Variants in MEMO1 observed in about 807,000 individuals in gnomAD.
The protein encoded by MEMO1 is protein MEMO1.
A neutral mutation model predicts 45.2 loss-of-function variants in MEMO1; 6 were observed. The ratio of observed to expected loss-of-function variants is 0.13; its 90% CI spans 0.07 to 0.26. The LOEUF is 0.26. Ranked by LOEUF, MEMO1 falls within the 10% of genes least tolerant of loss-of-function variation. MEMO1 has a pLI of 1.00. For synonymous variants in MEMO1, 78 were observed against 124.3 expected (o/e 0.63, Z 2.48); for missense variants, 184 against 370.5 (o/e 0.50, Z 4.13).
Position 31,996,435 on chromosome 2 carries a change from G to A in MEMO1, c.61+13752C>T, listed in dbSNP as rs1341581734. On this transcript the variant is annotated intron_variant, in intron 2 of 9. Coordinates refer to ENST00000404530, the MANE Select transcript of MEMO1 (RefSeq NM_001301833.4). ...GTGGTGCACACCCGTAGTCCCAGCTGAGGGAGGCTAAGGCAGGAGAATCAC... is the reference window on the plus strand; with the variant it reads ...GTGGTGCACACCCGTAGTCCCAGCTAAGGGAGGCTAAGGCAGGAGAATCAC... 2.0e-5 allele frequency among the ~76,000 whole-genome samples: 3 copies of A among 151,924 alleles called. No homozygotes were observed. The South Asian group carries it at 6.2e-4, about 32-fold the overall frequency.
At chr2:31,952,476 A>T (rs1666951209) in intron 2 of MEMO1, among the ~76,000 whole-genome samples, 1 of 152,170 alleles carries the variant, frequency 6.6e-6, no homozygotes, top group African/African-American at 2.4e-5. Flanking sequence ...AAGAGCTACA[A>T]ATTTGGAGAA....
intron 8 of MEMO1, among the ~76,000 whole-genome samples, chr2:31,878,103 G>A (rs1349986155): frequency 6.6e-6 from 1 of 152,172 alleles, no homozygotes; most frequent in South Asian, 2.1e-4. Context: ...AAATAGAGTA[G>A]TCAGAAGGCC....
intron 8 of MEMO1, among the ~76,000 whole-genome samples, chr2:31,878,097 AGAG>A (rs1674821878): frequency 1.3e-5 from 2 of 152,228 alleles, no homozygotes; most frequent in South Asian, 4.1e-4. Context: ...AAAATTAAAT[AGAG>A]TAGTCAGAAG....
chr2:31,922,211 G>A (rs912489709), intron 4 of MEMO1, among the ~76,000 whole-genome samples: 5 of 152,116 alleles, frequency 3.3e-5, no homozygotes, highest in Non-Finnish European at 5.9e-5. Context: ...GCCAGGGAAT[G>A]TGTGCTTTAG....
At chr2:31,884,073 A>C (rs1464166273) in intron 7 of MEMO1, among the ~76,000 whole-genome samples, 1 of 152,018 alleles carries the variant, frequency 6.6e-6, no homozygotes, top group African/African-American at 2.4e-5. Flanking sequence ...AAATATAATA[A>C]ATATTCCTAC....
intron 6 of MEMO1, among the ~76,000 whole-genome samples, chr2:31,913,272 C>T (rs1054295919): frequency 3.9e-5 from 5 of 129,270 alleles, no homozygotes; most frequent in African/African-American, 1.4e-4. Context: ...AAAAAAAAAG[C>T]AGAAATTTAA....
intron 2 of MEMO1, among the ~76,000 whole-genome samples, chr2:31,989,807 G>GT (rs1339510487): frequency 6.6e-6 from 1 of 152,106 alleles, no homozygotes; most frequent in Non-Finnish European, 1.5e-5. Context: ...CTATCCATAA[G>GT]TATCTGGAAA....
chr2:31,871,514 CACACAT>C (rs1368009082), intron 8 of MEMO1, among the ~76,000 whole-genome samples: 2 of 134,890 alleles, frequency 1.5e-5, no homozygotes, highest in African/African-American at 5.5e-5. Context: ...CACACACACA[CACACAT>C]ATATATATAT....
Position 31,920,877 on chromosome 2 carries a change from A to G in MEMO1, c.246T>C (p.His82=). Residue 82 remains histidine, a synonymous_variant, in exon 5 of 10, where the codon CAT becomes CAC. Coordinates refer to ENST00000404530, the MANE Select transcript of MEMO1 (RefSeq NM_001301833.4). ...RRIFILGPSH[H]VPLSRCALSS... ...AAAGTGCACATCGAGAGAGGGGCAC[A>G]TGATGAGAAGGCCCAAGGATGAAAA... 2 of 1,612,664 alleles carry G rather than the reference A, an allele frequency of 1.2e-6. No homozygotes were observed. Among genetic ancestry groups the G allele is most frequent in the Non-Finnish European group, 1.7e-6 (2 of 1,179,224 alleles).
intron 2 of MEMO1, among the ~76,000 whole-genome samples, chr2:31,960,868 G>C (rs1413041393): frequency 6.6e-6 from 1 of 152,096 alleles, no homozygotes; most frequent in Admixed American, 6.6e-5. Flanking sequence ...TTACAGGTGT[G>C]AGCCACCAGG....
intron 2 of MEMO1, among the ~76,000 whole-genome samples, chr2:31,987,726 T>C (rs1671442056): frequency 6.6e-6 from 1 of 152,188 alleles, no homozygotes; most frequent in Non-Finnish European, 1.5e-5. Flanking sequence ...ATAATGATGA[T>C]ATCATCCTCT....
rs994822981 is a variant in MEMO1 at position 31,905,215 on chromosome 2, C to G, written c.437+12711G>C. On this transcript the variant is annotated intron_variant, in intron 6 of 9. Transcript: ENST00000404530. ...TGCCACTGGACTCCAGCCTGGGTAA[C>G]AGAGTGAAATCCTATCTCCAAAAAA... 2.6e-5 allele frequency among the ~76,000 whole-genome samples: 4 copies of G among 151,936 alleles called. 1 individual carries two copies. The South Asian group carries it at 6.2e-4, about 24-fold the overall frequency.
At chr2:31,885,830 C>A (rs1280265595) in intron 7 of MEMO1, among the ~76,000 whole-genome samples, 1 of 152,184 alleles carries the variant, frequency 6.6e-6, no homozygotes, top group African/African-American at 2.4e-5. Flanking sequence ...ACATGATAGT[C>A]GTTTGCTACT....
intron 6 of MEMO1, among the ~76,000 whole-genome samples, chr2:31,908,710 C>A (rs1244369389): frequency 6.6e-6 from 1 of 152,098 alleles, no homozygotes; most frequent in Non-Finnish European, 1.5e-5. Context: ...TTCCAAGGGC[C>A]CCAACAAATA....
intron 2 of MEMO1, among the ~76,000 whole-genome samples, chr2:31,979,838 C>A (rs924541905): frequency 2.6e-5 from 4 of 151,932 alleles, no homozygotes; most frequent in African/African-American, 9.7e-5. Flanking sequence ...TGAACTGTAG[C>A]AGGGGCTCGT....
At chr2:31,977,815 T>G (rs1670181984) in intron 2 of MEMO1, among the ~76,000 whole-genome samples, 1 of 152,166 alleles carries the variant, frequency 6.6e-6, no homozygotes, top group Non-Finnish European at 1.5e-5. Context: ...TGAGCCACCA[T>G]GCCCAGCATA....
chr2:31,951,376 C>T (rs1666826219), intron 2 of MEMO1, among the ~76,000 whole-genome samples: 1 of 152,158 alleles, frequency 6.6e-6, no homozygotes, highest in South Asian at 2.1e-4. Flanking sequence ...AAACCCCACT[C>T]ACTATGATGT....
intron 2 of MEMO1, among the ~76,000 whole-genome samples, chr2:32,004,852 G>A (rs1034848296): frequency 2.6e-5 from 4 of 151,798 alleles, no homozygotes; most frequent in East Asian, 1.9e-4. Context: ...GCTTGAACCC[G>A]GGAGGCAGAG....
intron 4 of MEMO1, among the ~76,000 whole-genome samples, chr2:31,928,530 AAG>A (rs1333853188): frequency 6.9e-6 from 1 of 144,566 alleles, no homozygotes; most frequent in East Asian, 2.0e-4. Flanking sequence ...CTGGGTGACA[AAG>A]AGAGACTCCA....
Sources: gnomAD v4.1 joint callset for allele counts (sites outside exome capture counted in the v4.1 genomes callset) on GRCh38, gnomAD v4.1.1 for gene constraint, MANE v1.5 for transcripts, NCBI Gene and HGNC (gene_info 2026-07-23, HGNC 2026-07-21) for gene names.